The following DCC variants were observed in gnomAD, a reference collection of about 807,000 sequenced individuals.
DCC encodes netrin receptor DCC.
DCC carries 58 observed loss-of-function variants against 172.5 expected under a neutral mutation model. The observed-to-expected ratio is 0.34, with a 90% CI of 0.27 to 0.42. The LOEUF is 0.42. DCC is among the 10% of genes least tolerant of loss of function. DCC has a pLI of 1.00. For missense variants in DCC, 1,740 were observed against 1,791.0 expected (o/e 0.97, Z 0.51); for synonymous variants, 709 against 644.5 (o/e 1.10, Z -1.52).
At chr18:52,450,862 G>C (rs1182209109) in intron 1 of DCC, among the ~76,000 whole-genome samples, 2 of 152,122 alleles carry the variant, frequency 1.3e-5, no homozygotes, top group African/African-American at 4.8e-5. Context: ...GGCTTAACTT[G>C]AAGAAAATTA....
intron 5 of DCC, among the ~76,000 whole-genome samples, chr18:52,970,802 A>C (rs996426162): frequency 1.3e-5 from 2 of 152,160 alleles, no homozygotes; most frequent in Non-Finnish European, 2.9e-5. Flanking sequence ...CTGTAGAATT[A>C]TTTCTATGTA....
chr18:52,917,582 C>T (rs2040060911), intron 3 of DCC, among the ~76,000 whole-genome samples: 1 of 152,084 alleles, frequency 6.6e-6, no homozygotes, highest in Non-Finnish European at 1.5e-5. Flanking sequence ...GTCAATATTT[C>T]TATTTAGAAA....
In DCC at chr18:53,530,823, C is replaced by T. The variant is rs1381441896; in HGVS notation, c.*170C>T. On this transcript the variant is annotated 3_prime_UTR_variant, in exon 29 of 29. Transcript: ENST00000442544. ...AGTTCAGAAGGAATAAGCATTCCTT[C>T]TTTCACAGGCATCAGGAATTGTCAA... 7.4e-6 allele frequency: 5 copies of T among 675,446 alleles called. No homozygotes were observed. The highest frequency in any genetic ancestry group is 1.4e-5 in the Non-Finnish European group (5 of 368,146). The allele number at this position is 675,446 out of a possible 1,614,324, so 41.8% of individuals were successfully genotyped here. A position where few individuals can be genotyped will look rare whatever the true frequency, so the allele number is the denominator to read the frequency against.
intron 12 of DCC, among the ~76,000 whole-genome samples, chr18:53,241,344 GT>G (rs1321816923): frequency 6.6e-6 from 1 of 152,128 alleles, no homozygotes. Flanking sequence ...AACTGCAATT[GT>G]ACAAGGAAGA....
At chr18:52,396,144 G>A (rs1986218640) in intron 1 of DCC, among the ~76,000 whole-genome samples, 1 of 151,712 alleles carries the variant, frequency 6.6e-6, no homozygotes, top group Admixed American at 6.6e-5. Context: ...ATCTTTCCTG[G>A]GGTTCTCTAT....
chr18:53,088,386 A>G (rs991091678), intron 7 of DCC, among the ~76,000 whole-genome samples: 1 of 152,190 alleles, frequency 6.6e-6, no homozygotes, highest in Non-Finnish European at 1.5e-5. Flanking sequence ...GAGTTCACTC[A>G]TGATTTGGCT....
intron 12 of DCC, among the ~76,000 whole-genome samples, chr18:53,256,242 C>A (rs1598952717): frequency 6.6e-6 from 1 of 152,246 alleles, no homozygotes; most frequent in East Asian, 1.9e-4. Flanking sequence ...TCAATTTTGG[C>A]TTTTGTTGCC....
intron 2 of DCC, among the ~76,000 whole-genome samples, chr18:52,788,429 A>G (rs543092682): frequency 2.0e-5 from 3 of 152,300 alleles, no homozygotes; most frequent in South Asian, 2.1e-4. Flanking sequence ...TCTGTAAAGC[A>G]TGCAGTATAC....
chr18:52,407,983 T>G (rs1986710767), intron 1 of DCC, among the ~76,000 whole-genome samples: 1 of 152,100 alleles, frequency 6.6e-6, no homozygotes, highest in South Asian at 2.1e-4. Flanking sequence ...TTTAATTGGT[T>G]AATGTGGTTA....
chr18:52,670,038 G>C (rs1446212869), intron 1 of DCC, among the ~76,000 whole-genome samples: 1 of 152,084 alleles, frequency 6.6e-6, no homozygotes, highest in Non-Finnish European at 1.5e-5. Context: ...AGAGGAAAGA[G>C]CCAACACTAA....
chr18:53,313,018 A>AGG lies in DCC; in HGVS notation c.2053+7299_2053+7300insGG, dbSNP rs1157323192. Among the ~76,000 whole-genome samples, 29 of 123,952 alleles carry AGG rather than the reference A, an allele frequency of 2.3e-4. No individual in the cohort carries two copies. In the East Asian group the frequency reaches 5.8e-3, roughly 25 times the overall value. The allele number at this position is 123,952 out of a possible 152,430, so 81.3% of individuals were successfully genotyped here. ...GGAGGGAGGAAGGAAGGGAGGAAGA[A>AGG]AGGAAGGGAAGAAGGAGGAAAGGGA... On this transcript the variant is annotated intron_variant, in intron 13 of 28. Coordinates refer to ENST00000442544, the MANE Select transcript of DCC (RefSeq NM_005215.4).
intron 22 of DCC, among the ~76,000 whole-genome samples, chr18:53,443,163 A>G (rs566947032): frequency 1.2e-4 from 19 of 152,358 alleles, no homozygotes; most frequent in African/African-American, 4.6e-4. Context: ...GATGCCATTT[A>G]GGACTTTCAT....
At position 53,267,149 on chromosome 18, in the gene DCC, TAGAG is replaced by T. The variant is rs148961817; in HGVS notation, c.1912-38415_1912-38412del. Among the ~76,000 whole-genome samples, 623 of 144,790 alleles carry T rather than the reference TAGAG, an allele frequency of 4.3e-3. 3 individuals carry two copies. The highest frequency in any genetic ancestry group is 0.015 in the African/African-American group (555 of 36,290). 95.0% of individuals were successfully genotyped at this position (144,790 alleles called of 152,430 possible). ...ACACACACACATATATATATATATA[TAGAG>T]AGAGAGAGAGAGACAGAGACAGAGA... On this transcript the variant is annotated intron_variant, in intron 12 of 28. Coordinates refer to ENST00000442544, the MANE Select transcript of DCC (RefSeq NM_005215.4).
intron 14 of DCC, among the ~76,000 whole-genome samples, chr18:53,325,883 C>A (rs2057462943): frequency 1.3e-5 from 2 of 152,124 alleles, no homozygotes; most frequent in African/African-American, 4.8e-5. Flanking sequence ...GAAAAGATTT[C>A]ATAAAAACAC....
At chr18:52,941,090 G>A (rs920285519) in intron 5 of DCC, 3 of 152,082 alleles carry the variant, frequency 2.0e-5, no homozygotes, top group Non-Finnish European at 4.4e-5. Context: ...TGACCATGAA[G>A]GATATTAGTA....
chr18:52,769,407 T>G (rs1018864665), intron 2 of DCC, among the ~76,000 whole-genome samples: 1 of 151,488 alleles, frequency 6.6e-6, no homozygotes, highest in Admixed American at 6.6e-5. Context: ...GTCTTTTACC[T>G]GTTTTAAAAT....
intron 4 of DCC, among the ~76,000 whole-genome samples, 172 bp downstream of exon 4, chr18:52,924,029 T>C (rs889071523): frequency 6.6e-6 from 1 of 152,080 alleles, no homozygotes; most frequent in African/African-American, 2.4e-5. Context: ...ATTTAGCCAC[T>C]GGGATGAGAA....
At chr18:52,432,449 C>A (rs1229390152) in intron 1 of DCC, among the ~76,000 whole-genome samples, 3 of 152,136 alleles carry the variant, frequency 2.0e-5, no homozygotes, top group African/African-American at 7.2e-5. Flanking sequence ...CCTCCTGCTT[C>A]TCACATCTAA....
chr18:53,046,718 A>G (rs79840352), intron 5 of DCC, among the ~76,000 whole-genome samples: 230 of 152,108 alleles, frequency 1.5e-3, no homozygotes, highest in Non-Finnish European at 2.5e-3. Context: ...TTTACAAAGT[A>G]AGAAACTGAA....
Sources: allele counts gnomAD v4.1 joint callset (sites outside exome capture counted in the v4.1 genomes callset), GRCh38; gene constraint gnomAD v4.1.1; transcripts MANE v1.5; gene names NCBI Gene and HGNC (gene_info 2026-07-23, HGNC 2026-07-21).